The following MAGI2 variants were observed in gnomAD, a reference collection of about 807,000 sequenced individuals.
MAGI2 encodes membrane-associated guanylate kinase, WW and PDZ domain-containing protein 2.
Under a neutral mutation model 133.3 loss-of-function variants are expected in MAGI2, and 35 were observed. That is an observed-to-expected ratio of 0.26 (90% confidence interval 0.20 to 0.35). MAGI2 has a LOEUF of 0.35. Among genes scored for constraint, MAGI2 ranks in the 10% least tolerant of loss-of-function variants. The pLI is 1.00. For synonymous variants in MAGI2, 729 were observed against 710.6 expected, an observed-to-expected ratio of 1.03 and a Z score of -0.41; for missense variants, 1,636 against 1,863.4, an observed-to-expected ratio of 0.88 and a Z score of 2.25.
At chr7:78,050,571 A>C (rs907595788) in intron 21 of MAGI2, among the ~76,000 whole-genome samples, 2 of 152,212 alleles carry the variant, frequency 1.3e-5, no homozygotes, top group Non-Finnish European at 2.9e-5. Flanking sequence ...TTCAGCTGAG[A>C]ATATTGTATG....
chr7:78,344,906 G>T (rs575053393), intron 8 of MAGI2, among the ~76,000 whole-genome samples: 1 of 152,246 alleles, frequency 6.6e-6, no homozygotes, highest in African/African-American at 2.4e-5. Flanking sequence ...ATTAATATCT[G>T]CTTTAAATTC....
At chr7:79,204,968 A>T (rs1828917121) in intron 1 of MAGI2, among the ~76,000 whole-genome samples, 1 of 151,912 alleles carries the variant, frequency 6.6e-6, no homozygotes, top group Admixed American at 6.6e-5. Context: ...AAAAAAGCTT[A>T]TGGGACTTAT....
At chr7:79,385,795 A>G (rs1844133046) in intron 1 of MAGI2, among the ~76,000 whole-genome samples, 1 of 151,908 alleles carries the variant, frequency 6.6e-6, no homozygotes. Flanking sequence ...AGTTAATACA[A>G]TCCTATTGTA....
intron 4 of MAGI2, among the ~76,000 whole-genome samples, chr7:78,507,064 G>A (rs1020909823): frequency 6.6e-6 from 1 of 152,066 alleles, no homozygotes; most frequent in Non-Finnish European, 1.5e-5. Flanking sequence ...TAGCAAACAT[G>A]AATTTAATAT....
chr7:79,229,279 T>C (rs1220354194), intron 1 of MAGI2, among the ~76,000 whole-genome samples: 3 of 152,150 alleles, frequency 2.0e-5, no homozygotes, highest in African/African-American at 7.2e-5. Context: ...AACATTATTG[T>C]TTTTTTCTAC....
rs72030909 is a variant in MAGI2 at position 78,687,969 on chromosome 7, T to TAAAAAAAAAAAA, written c.419-60742_419-60731dup. ...TGGGCAAGAGAGTGAGTCCTTGCCT[T>TAAAAAAAAAAAA]AAAAAAAAAAAAAAAAAAAAAAAAA... On this transcript the variant is annotated intron_variant, in intron 2 of 21. Coordinates refer to ENST00000354212, the MANE Select transcript of MAGI2 (RefSeq NM_012301.4). 2.5e-3 allele frequency among the ~76,000 whole-genome samples: 168 copies of TAAAAAAAAAAAA among 67,222 alleles called. 1 individual carries two copies. Among genetic ancestry groups the TAAAAAAAAAAAA allele is most frequent in the Middle Eastern group, 0.019 (2 of 106 alleles). The allele number at this position is 67,222 out of a possible 152,430, so 44.1% of individuals were successfully genotyped here.
At chr7:78,226,287 T>A (rs574350223) in intron 10 of MAGI2, among the ~76,000 whole-genome samples, 1 of 148,890 alleles carries the variant, frequency 6.7e-6, no homozygotes, top group African/African-American at 2.5e-5. Context: ...TAACTGAATG[T>A]CAGAGAGTGA....
rs952603350 is a variant in MAGI2 at position 78,965,547 on chromosome 7, A to AT, written c.418+41542dup. Among the ~76,000 whole-genome samples, 23 of 151,218 alleles carry AT rather than the reference A, an allele frequency of 1.5e-4. No individual in the cohort carries two copies. The East Asian group carries it at 2.3e-3, about 15-fold the overall frequency. ...CTCTGTACATTTCGTTAGCCTAGAG[A>AT]TTTTTTTTTCATTTTTACTTAGCTG... is the stretch of plus-strand genomic sequence containing the variant. On this transcript the variant is annotated intron_variant, in intron 2 of 21. Transcript: ENST00000354212.
intron 1 of MAGI2, among the ~76,000 whole-genome samples, chr7:79,270,621 A>C (rs1206477477): frequency 6.6e-6 from 1 of 152,192 alleles, no homozygotes; most frequent in African/African-American, 2.4e-5. Flanking sequence ...TTCAAGTGTT[A>C]TACAGGTGAC....
chr7:78,251,456 T>C (rs1479582156), intron 10 of MAGI2: 1 of 152,178 alleles, frequency 6.6e-6, no homozygotes, highest in East Asian at 1.9e-4. Context: ...CCAGATGGTA[T>C]AATAACTACA....
chr7:78,711,256 T>G (rs1819157846), intron 2 of MAGI2, among the ~76,000 whole-genome samples: 1 of 152,136 alleles, frequency 6.6e-6, no homozygotes, highest in Non-Finnish European at 1.5e-5. Context: ...CTACTAGGTC[T>G]CAGACTAAAG....
intron 2 of MAGI2, among the ~76,000 whole-genome samples, chr7:78,727,071 A>T (rs930038607): frequency 6.6e-6 from 1 of 152,202 alleles, no homozygotes; most frequent in African/African-American, 2.4e-5. Flanking sequence ...TTCTTGTCAG[A>T]CTGACATTGA....
At chr7:79,277,982 C>A (rs1835357510) in intron 1 of MAGI2, among the ~76,000 whole-genome samples, 1 of 152,172 alleles carries the variant, frequency 6.6e-6, no homozygotes, top group South Asian at 2.1e-4. Context: ...CCCCTAACAT[C>A]CTCTAGAACT....
intron 2 of MAGI2, among the ~76,000 whole-genome samples, chr7:78,960,401 G>C (rs1364792119): frequency 1.3e-5 from 2 of 152,008 alleles, no homozygotes; most frequent in African/African-American, 4.8e-5. Flanking sequence ...GGAGCCAGTA[G>C]GACTGTATTT....
rs551903788 is a variant in MAGI2 at position 78,927,626 on chromosome 7, T to C, written c.418+79464A>G. On this transcript the variant is annotated intron_variant, in intron 2 of 21. Transcript: ENST00000354212. ...ACCTTCACACTAAGTAAATCTATGATTAAAAAAAACTCTTTCCTTTTTTTA... is the reference window on the plus strand; with the variant it reads ...ACCTTCACACTAAGTAAATCTATGACTAAAAAAAACTCTTTCCTTTTTTTA... 1.2e-4 allele frequency among the ~76,000 whole-genome samples: 18 copies of C among 152,028 alleles called. No homozygotes were observed. In the South Asian group the frequency reaches 3.7e-3, roughly 32 times the overall value.
chr7:78,284,450 CT>C (rs34430968), intron 9 of MAGI2, among the ~76,000 whole-genome samples: 49,368 of 142,728 alleles, frequency 0.35, 11,037 homozygotes, highest in African/African-American at 0.65. Context: ...GTTTTCTTTT[CT>C]TTTTTTTTTT....
intron 2 of MAGI2, among the ~76,000 whole-genome samples, chr7:78,679,914 T>G (rs912730676): frequency 6.6e-6 from 1 of 152,154 alleles, no homozygotes; most frequent in African/African-American, 2.4e-5. Flanking sequence ...AAAGTCAGCA[T>G]AGTCAGCTTT....
intron 3 of MAGI2, among the ~76,000 whole-genome samples, chr7:78,584,626 T>C (rs1376329631): frequency 6.6e-6 from 1 of 152,018 alleles, no homozygotes; most frequent in African/African-American, 2.4e-5. Flanking sequence ...CTAATGCAGT[T>C]GTAATTCAGG....
At chr7:78,141,616 C>A (rs777131922) in intron 16 of MAGI2, among the ~76,000 whole-genome samples, 2 of 152,182 alleles carry the variant, frequency 1.3e-5, no homozygotes, top group African/African-American at 2.4e-5. Flanking sequence ...ATGAAAACGT[C>A]TTCCCTGAAA....
Sources: allele counts gnomAD v4.1 joint callset (sites outside exome capture counted in the v4.1 genomes callset), GRCh38; gene constraint gnomAD v4.1.1; transcripts MANE v1.5; gene names NCBI Gene and HGNC (gene_info 2026-07-23, HGNC 2026-07-21).